LRRC7: variants seen among roughly 807,000 people sequenced by gnomAD.
The protein encoded by LRRC7 is leucine-rich repeat-containing protein 7.
Under a neutral mutation model 175.7 loss-of-function variants are expected in LRRC7, and 23 were observed. The observed-to-expected ratio is 0.13, with a 90% CI of 0.09 to 0.19. The LOEUF (loss-of-function observed/expected upper bound fraction) is 0.19, where lower values mean the gene tolerates loss of function less well. Among genes scored for constraint, LRRC7 ranks in the 10% least tolerant of loss-of-function variants. LRRC7 has a pLI of 1.00. For synonymous variants in LRRC7, 685 were observed against 680.9 expected (o/e 1.01, Z -0.09); for missense variants, 1,354 against 1,904.7 (o/e 0.71, Z 5.38).
At chr1:69,853,276 T>C (rs1683199627) in intron 7 of LRRC7, among the ~76,000 whole-genome samples, 2 of 133,522 alleles carry the variant, frequency 1.5e-5, no homozygotes, top group Admixed American at 1.5e-4. Context: ...CTTTCTTTTT[T>C]TTTTTTTTTT....
At chr1:69,641,582 A>T (rs1472923576) in intron 1 of LRRC7, among the ~76,000 whole-genome samples, 1 of 151,668 alleles carries the variant, frequency 6.6e-6, no homozygotes, top group African/African-American at 2.4e-5. Context: ...TTTTATTCCT[A>T]TGGAAGCATT....
intron 1 of LRRC7, among the ~76,000 whole-genome samples, chr1:69,587,832 A>G (rs781535726): frequency 1.3e-5 from 2 of 152,058 alleles, no homozygotes; most frequent in Non-Finnish European, 2.9e-5. Flanking sequence ...ACCTGTCTCC[A>G]TGATTGTAAG....
At chr1:69,806,873 T>C (rs1261854227) in intron 4 of LRRC7, among the ~76,000 whole-genome samples, 1 of 152,008 alleles carries the variant, frequency 6.6e-6, no homozygotes, top group Non-Finnish European at 1.5e-5. Context: ...CTATAAATGA[T>C]ACCATCAGCT....
chr1:70,096,202 C>T (rs936501768), intron 25 of LRRC7, among the ~76,000 whole-genome samples: 1 of 152,224 alleles, frequency 6.6e-6, no homozygotes, highest in African/African-American at 2.4e-5. Context: ...GTCTCGAACT[C>T]CTGACCTCAG....
At chr1:69,731,810 T>C (rs1396932416) in intron 2 of LRRC7, among the ~76,000 whole-genome samples, 2 of 152,300 alleles carry the variant, frequency 1.3e-5, no homozygotes, top group Non-Finnish European at 2.9e-5. Flanking sequence ...TATCATTAGA[T>C]GTTCTGGGCA....
chr1:69,679,143 A>G (rs1660166040), intron 2 of LRRC7, among the ~76,000 whole-genome samples: 1 of 152,068 alleles, frequency 6.6e-6, no homozygotes, highest in Non-Finnish European at 1.5e-5. Flanking sequence ...GAGACTCTTG[A>G]CATAATATTC....
chr1:70,030,809 A>C (rs1658640538), intron 18 of LRRC7, among the ~76,000 whole-genome samples: 1 of 152,262 alleles, frequency 6.6e-6, no homozygotes, highest in Non-Finnish European at 1.5e-5. Flanking sequence ...GAAAAAGGAA[A>C]GGTAAATATT....
rs572464741 is a variant in LRRC7 at position 69,806,875 on chromosome 1, C to T, written c.421+14715C>T. On this transcript the variant is annotated intron_variant, in intron 4 of 26. Transcript: ENST00000651989. ...TCCATCATCTTCTCTATAAATGATACCATCAGCTATAATTGCTTCAGGCTG... is the reference window on the plus strand; with the variant it reads ...TCCATCATCTTCTCTATAAATGATATCATCAGCTATAATTGCTTCAGGCTG... 1.6e-4 allele frequency among the ~76,000 whole-genome samples: 24 copies of T among 152,072 alleles called. 1 individual carries two copies. The highest frequency in any genetic ancestry group is 5.9e-5 in the Non-Finnish European group (4 of 67,950).
intron 8 of LRRC7, among the ~76,000 whole-genome samples, chr1:69,949,903 G>A (rs555327498): frequency 6.6e-6 from 1 of 152,198 alleles, no homozygotes; most frequent in Non-Finnish European, 1.5e-5. Context: ...GTTATCACAG[G>A]CGATTGACAC....
rs115445167 is a variant in LRRC7 at position 70,077,110 on chromosome 1, C to G, written c.4452+812C>G. ...AAAGCTTCATTTTATTATTACTTAT[C>G]AAAGTTTTTCATATCACCCCACCTG... On this transcript the variant is annotated intron_variant, in intron 24 of 26. Coordinates refer to ENST00000651989, the MANE Select transcript of LRRC7 (RefSeq NM_001370785.2). Among the ~76,000 whole-genome samples, 1,297 of 152,208 alleles carry G rather than the reference C, an allele frequency of 8.5e-3. 12 individuals are homozygous for G. The highest frequency in any genetic ancestry group is 0.029 in the African/African-American group (1,223 of 41,548).
intron 23 of LRRC7, among the ~76,000 whole-genome samples, chr1:70,065,676 G>C (rs1661919970): frequency 6.6e-6 from 1 of 151,854 alleles, no homozygotes; most frequent in African/African-American, 2.4e-5. Flanking sequence ...GAAATATCTA[G>C]GGGTGAAAAA....
chr1:69,978,702 AAAGTAGATCTGG>A (rs1653089719), intron 8 of LRRC7, among the ~76,000 whole-genome samples: 1 of 152,244 alleles, frequency 6.6e-6, no homozygotes, highest in South Asian at 2.1e-4. Context: ...GACTATCTCC[AAAGTAGATCTGG>A]AAGTCTTAAG....
At chr1:69,603,341 T>C (rs1474466400) in intron 1 of LRRC7, among the ~76,000 whole-genome samples, 1 of 152,226 alleles carries the variant, frequency 6.6e-6, no homozygotes, top group African/African-American at 2.4e-5. Flanking sequence ...TACATTTTGT[T>C]AATTACGTTA....
chr1:69,948,122 C>T (rs913067875), intron 8 of LRRC7, among the ~76,000 whole-genome samples: 1 of 152,124 alleles, frequency 6.6e-6, no homozygotes, highest in Non-Finnish European at 1.5e-5. Context: ...TCCTGCTACT[C>T]AGAACAGTGC....
At chr1:69,697,450 G>T (rs1662752384) in intron 2 of LRRC7, among the ~76,000 whole-genome samples, 1 of 152,136 alleles carries the variant, frequency 6.6e-6, no homozygotes, top group African/African-American at 2.4e-5. Flanking sequence ...TTTTTAATCA[G>T]ATTCACTACC....
At chr1:69,960,804 A>C (rs1570810438) in intron 8 of LRRC7, among the ~76,000 whole-genome samples, 2 of 152,056 alleles carry the variant, frequency 1.3e-5, no homozygotes, top group African/African-American at 2.4e-5. Flanking sequence ...AAAACTCTCA[A>C]TAAACTAGGT....
chr1:69,727,333 T>G (rs1427715535), intron 2 of LRRC7, among the ~76,000 whole-genome samples: 1 of 152,208 alleles, frequency 6.6e-6, no homozygotes, highest in Non-Finnish European at 1.5e-5. Context: ...ATGTGAAGAA[T>G]GCTTTGCTGT....
chr1:69,625,963 T>C (rs1220034483), intron 1 of LRRC7, among the ~76,000 whole-genome samples: 2 of 152,216 alleles, frequency 1.3e-5, no homozygotes, highest in African/African-American at 4.8e-5. Context: ...AAAAATCGTA[T>C]TGTTCAAATG....
chr1:69,797,925 G>C (rs1675986211), intron 4 of LRRC7, among the ~76,000 whole-genome samples: 1 of 151,806 alleles, frequency 6.6e-6, no homozygotes, highest in African/African-American at 2.4e-5. Context: ...TTGTTTGTTT[G>C]TTTGTTTGTT....
Sources: gnomAD v4.1 joint callset for allele counts (sites outside exome capture counted in the v4.1 genomes callset) on GRCh38, gnomAD v4.1.1 for gene constraint, MANE v1.5 for transcripts, NCBI Gene and HGNC (gene_info 2026-07-23, HGNC 2026-07-21) for gene names.